Variants in ANKFN1 observed in about 807,000 individuals in gnomAD.
ANKFN1 encodes ankyrin repeat and fibronectin type III domain containing 1.
ANKFN1 carries 74 observed loss-of-function variants against 108.7 expected under a neutral mutation model. That is an observed-to-expected ratio of 0.68 (90% CI 0.56 to 0.83). The LOEUF (loss-of-function observed/expected upper bound fraction) is 0.83, where lower values mean the gene tolerates loss of function less well. ANKFN1 is among the 40% of genes least tolerant of loss of function. The pLI is 0.00. For synonymous variants in ANKFN1, 547 were observed against 516.2 expected, an observed-to-expected ratio of 1.06 and a Z score of -0.81; for missense variants, 1,505 against 1,382.3, an observed-to-expected ratio of 1.09 and a Z score of -1.41.
intron 6 of ANKFN1, among the ~76,000 whole-genome samples, chr17:56,358,337 T>C (rs2046425738): frequency 6.6e-6 from 1 of 152,172 alleles, no homozygotes; most frequent in Non-Finnish European, 1.5e-5. Context: ...GGGACTTAAC[T>C]AACTCCCAAA....
At position 56,511,334 on chromosome 17, in the gene ANKFN1, C is replaced by A; in HGVS notation, c.*65C>A. On this transcript the variant is annotated 3_prime_UTR_variant, in exon 21 of 21. Coordinates refer to ENST00000682825, the MANE Select transcript of ANKFN1 (RefSeq NM_001370326.1). ...CCTGCGTTTTACATCACCCTTACCC[C>A]CATCCTGCCCCACTGTGTACCCACT... 4 of 1,385,302 alleles carry A rather than the reference C, an allele frequency of 2.9e-6. No individual in the cohort carries two copies. The highest frequency in any genetic ancestry group is 2.5e-5 in the Admixed American group (1 of 39,980). The allele number at this position is 1,385,302 out of a possible 1,614,324, so 85.8% of individuals were successfully genotyped here.
intron 3 of ANKFN1, among the ~76,000 whole-genome samples, chr17:56,283,273 C>G (rs1405230155): frequency 6.6e-6 from 1 of 152,040 alleles, no homozygotes; most frequent in Admixed American, 6.6e-5. Context: ...CTGCAAAGGA[C>G]ATGATCTCGA....
chr17:56,321,909 T>C (rs1261132850), intron 3 of ANKFN1, among the ~76,000 whole-genome samples: 5 of 152,140 alleles, frequency 3.3e-5, no homozygotes, highest in Admixed American at 6.5e-5. Context: ...TTCTTTCCAA[T>C]GAGCTAAACA....
intron 1 of ANKFN1, among the ~76,000 whole-genome samples, chr17:56,176,602 G>C (rs745663310): frequency 2.0e-5 from 3 of 152,050 alleles, no homozygotes; most frequent in African/African-American, 7.2e-5. Context: ...TTCGAATATC[G>C]TTGGCCCTCA....
rs150738204 is a variant in ANKFN1 at position 56,397,812 on chromosome 17, C to T, written c.910+23098C>T. Among the ~76,000 whole-genome samples, 489 of 152,226 alleles carry T rather than the reference C, an allele frequency of 3.2e-3. 2 individuals carry two copies. Among genetic ancestry groups the T allele is most frequent in the African/African-American group, 0.011 (471 of 41,532 alleles). On this transcript the variant is annotated intron_variant, in intron 8 of 20. Coordinates refer to ENST00000682825, the MANE Select transcript of ANKFN1 (RefSeq NM_001370326.1). ...AGGAGGCTATTGTGCTAGTTCTGGT[C>T]CTGCCGTAACTACCTGTGTGACCTT...
intron 8 of ANKFN1, among the ~76,000 whole-genome samples, chr17:56,422,421 C>CG (rs1383736562): frequency 6.6e-6 from 1 of 151,996 alleles, no homozygotes; most frequent in African/African-American, 2.4e-5. Flanking sequence ...GCCAAACCCC[C>CG]ACCCCTGCTG....
intron 3 of ANKFN1, among the ~76,000 whole-genome samples, chr17:56,307,141 C>A (rs1158686029): frequency 6.6e-6 from 1 of 152,204 alleles, no homozygotes; most frequent in Non-Finnish European, 1.5e-5. Context: ...AAAACCTAGG[C>A]AATACCATTC....
At chr17:56,184,754 C>A (rs1372270313) in intron 1 of ANKFN1, 1 of 152,166 alleles carries the variant, frequency 6.6e-6, no homozygotes, top group Non-Finnish European at 1.5e-5. Flanking sequence ...CTCAGATCTG[C>A]CCTGAGAGGT....
intron 4 of ANKFN1, among the ~76,000 whole-genome samples, chr17:56,120,931 A>T (rs1230555340): frequency 6.6e-6 from 1 of 152,168 alleles, no homozygotes; most frequent in Non-Finnish European, 1.5e-5. Flanking sequence ...CCATTTAGTC[A>T]TCATTACTCA....
chr17:56,368,276 C>CT (rs71137202), intron 6 of ANKFN1: 3,642 of 65,918 alleles, frequency 0.055, 404 homozygotes, highest in African/African-American at 0.14. Flanking sequence ...TGAAAATGAA[C>CT]TTTTTTTTTT....
chr17:56,443,025 T>G, intron 10 of ANKFN1, 92 bp downstream of exon 10: 1 of 1,253,546 alleles, frequency 8.0e-7, no homozygotes, highest in Non-Finnish European at 1.1e-6. Context: ...CTTCCCCCAC[T>G]GCTTGCAACC....
intron 2 of ANKFN1, among the ~76,000 whole-genome samples, chr17:56,222,441 C>T (rs540784636): frequency 6.6e-6 from 1 of 152,220 alleles, no homozygotes; most frequent in South Asian, 2.1e-4. Flanking sequence ...ATGCACAAGG[C>T]ATTGAAGATG....
chr17:56,464,610 T>G (rs2050016751), intron 14 of ANKFN1, among the ~76,000 whole-genome samples: 1 of 152,198 alleles, frequency 6.6e-6, no homozygotes, highest in African/African-American at 2.4e-5. Context: ...AGGTGAAATC[T>G]GGGATGGGTC....
intron 4 of ANKFN1, among the ~76,000 whole-genome samples, chr17:56,114,766 A>G (rs1906164646): frequency 6.6e-6 from 1 of 152,218 alleles, no homozygotes; most frequent in African/African-American, 2.4e-5. Flanking sequence ...ATTATCCTAT[A>G]TTATCCAGTG....
intron 4 of ANKFN1, among the ~76,000 whole-genome samples, chr17:56,073,198 T>C (rs1004441314): frequency 6.6e-6 from 1 of 152,196 alleles, no homozygotes; most frequent in Non-Finnish European, 1.5e-5. Flanking sequence ...TTCACCGTTT[T>C]AGCCGGGATG....
intron 3 of ANKFN1, among the ~76,000 whole-genome samples, chr17:56,276,407 G>A (rs2043936004): frequency 1.3e-5 from 2 of 152,030 alleles, no homozygotes; most frequent in South Asian, 4.2e-4. Flanking sequence ...TCTAGTTCTA[G>A]GTCCTTGAGG....
intron 1 of ANKFN1, among the ~76,000 whole-genome samples, chr17:56,188,581 G>GTGTATATATATATATATATATA (rs1212242378): frequency 2.0e-5 from 1 of 49,650 alleles, no homozygotes; most frequent in Non-Finnish European, 3.4e-5. Flanking sequence ...GTGTGTGTGT[G>GTGTATATATATATATATATATA]TATATATATA....
intron 1 of ANKFN1, among the ~76,000 whole-genome samples, chr17:56,173,308 G>T (rs1213854419): frequency 6.6e-6 from 1 of 152,110 alleles, no homozygotes; most frequent in Non-Finnish European, 1.5e-5. Context: ...CCCCTGCATA[G>T]AATGTATTTC....
At chr17:56,401,765 G>C (rs551826804) in intron 8 of ANKFN1, among the ~76,000 whole-genome samples, 2 of 151,958 alleles carry the variant, frequency 1.3e-5, no homozygotes, top group Non-Finnish European at 2.9e-5. Context: ...TCCTTGTTCT[G>C]TTCCAGTTCT....
Sources: allele counts gnomAD v4.1 joint callset (sites outside exome capture counted in the v4.1 genomes callset), GRCh38; gene constraint gnomAD v4.1.1; transcripts MANE v1.5; gene names NCBI Gene and HGNC (gene_info 2026-07-23, HGNC 2026-07-21).